PRR5L: variants seen among roughly 807,000 people sequenced by gnomAD.
PRR5L encodes proline-rich protein 5-like.
PRR5L carries 21 observed loss-of-function variants against 36.4 expected under a neutral mutation model. The observed-to-expected ratio is 0.58, with a 90% CI of 0.41 to 0.83. The LOEUF is 0.83. Among genes scored for constraint, PRR5L ranks in the 40% least tolerant of loss-of-function variants. The probability of loss-of-function intolerance (pLI) is 0.00; values close to 1 mark genes in which losing one functional copy is unlikely to be tolerated. For synonymous variants in PRR5L, 188 were observed against 197.0 expected, an observed-to-expected ratio of 0.95 and a Z score of 0.38; for missense variants, 381 against 473.3, an observed-to-expected ratio of 0.80 and a Z score of 1.81.
intron 1 of PRR5L, among the ~76,000 whole-genome samples, chr11:36,350,487 A>T (rs1043483275): frequency 2.0e-5 from 3 of 152,108 alleles, no homozygotes; most frequent in Admixed American, 1.3e-4. Context: ...CAGTTAAAAA[A>T]AGTTCATGTT....
At chr11:36,325,445 T>A (rs141191604) in intron 1 of PRR5L, among the ~76,000 whole-genome samples, 1,869 of 152,294 alleles carry the variant, frequency 0.012, 12 homozygotes, top group Admixed American at 0.022. Context: ...AGTTGCAAGA[T>A]TTAATAGAGT....
At chr11:36,450,854 T>C (rs1474367552) in intron 7 of PRR5L, among the ~76,000 whole-genome samples, 1 of 152,230 alleles carries the variant, frequency 6.6e-6, no homozygotes, top group Non-Finnish European at 1.5e-5. Context: ...TGCATTAATA[T>C]ATGTTAAATG....
At chr11:36,378,981 T>C (rs138555440) in intron 1 of PRR5L, among the ~76,000 whole-genome samples, 21 of 152,320 alleles carry the variant, frequency 1.4e-4, no homozygotes, top group African/African-American at 4.6e-4. Context: ...GTTGATTAGC[T>C]CACGTTATAG....
intron 8 of PRR5L, among the ~76,000 whole-genome samples, chr11:36,456,656 T>G (rs979499474): frequency 2.0e-5 from 3 of 152,268 alleles, no homozygotes; most frequent in Admixed American, 1.3e-4. Flanking sequence ...TAACTATGAC[T>G]GTTGTTATTC....
At chr11:36,457,516 G>T (rs1231246717) in intron 8 of PRR5L, among the ~76,000 whole-genome samples, 2 of 151,654 alleles carry the variant, frequency 1.3e-5, no homozygotes, top group African/African-American at 4.8e-5. Flanking sequence ...TGAGGCAGGA[G>T]AATGGCGTGA....
intron 8 of PRR5L, among the ~76,000 whole-genome samples, chr11:36,455,875 G>A (rs1015478024): frequency 6.6e-6 from 1 of 152,216 alleles, no homozygotes; most frequent in Non-Finnish European, 1.5e-5. Context: ...GCAAGGAAAC[G>A]CTGTCTGCCC....
intron 1 of PRR5L, chr11:36,349,740 T>C (rs773483667): frequency 3.9e-5 from 6 of 152,272 alleles, no homozygotes; most frequent in Non-Finnish European, 7.3e-5. Context: ...ACCTATGCTC[T>C]GCTGGCTGAG....
At chr11:36,397,422 T>C (rs1341618775) in intron 1 of PRR5L, among the ~76,000 whole-genome samples, 1 of 145,876 alleles carries the variant, frequency 6.9e-6, no homozygotes. Context: ...CTTGGCTTCA[T>C]GTCAGCCAGG....
chr11:36,315,256 T>G (rs1338516661), intron 1 of PRR5L, among the ~76,000 whole-genome samples: 1 of 152,180 alleles, frequency 6.6e-6, no homozygotes. Context: ...AAAAACAGAG[T>G]CTAGTCCAAT....
At chr11:36,330,210 T>C (rs1856704743) in intron 1 of PRR5L, among the ~76,000 whole-genome samples, 1 of 152,186 alleles carries the variant, frequency 6.6e-6, no homozygotes, top group Non-Finnish European at 1.5e-5. Flanking sequence ...TATAATCTAC[T>C]AAATTGCTGT....
intron 1 of PRR5L, among the ~76,000 whole-genome samples, chr11:36,316,538 C>G (rs995455773): frequency 6.6e-6 from 1 of 151,984 alleles, no homozygotes; most frequent in African/African-American, 2.4e-5. Flanking sequence ...GAAATGGAAG[C>G]ATAGAGGGGG....
chr11:36,329,336 C>T (rs1277791843), intron 1 of PRR5L: 4 of 151,938 alleles, frequency 2.6e-5, no homozygotes, highest in African/African-American at 7.3e-5. Flanking sequence ...TCCAGAGCTT[C>T]GGGAAAAGGG....
At chr11:36,363,253 G>A (rs1300431508) in intron 1 of PRR5L, among the ~76,000 whole-genome samples, 1 of 152,162 alleles carries the variant, frequency 6.6e-6, no homozygotes, top group Non-Finnish European at 1.5e-5. Flanking sequence ...TATGGACCAG[G>A]AGAAAAGTAA....
intron 4 of PRR5L, among the ~76,000 whole-genome samples, chr11:36,428,169 G>A (rs1225742885): frequency 2.6e-5 from 4 of 152,174 alleles, no homozygotes; most frequent in Non-Finnish European, 4.4e-5. Flanking sequence ...GGTGACATTG[G>A]TGGTGGAGCC....
rs536532103 is a variant in PRR5L, at chr11:36,345,981, C to T, written c.-126+49543C>T. On this transcript the variant is annotated intron_variant, in intron 1 of 8. Coordinates refer to ENST00000530639, the MANE Select transcript of PRR5L (RefSeq NM_001160167.2). The stretch of plus-strand genomic sequence containing the variant: ...GCTTATTGACACAGTGAGAGCGTCA[C>T]GTTTGAGATTAGGGCTGTATTTCTC... Among the ~76,000 whole-genome samples, 7 of 152,240 alleles carry T rather than the reference C, an allele frequency of 4.6e-5. No individual in the cohort carries two copies. The East Asian group carries it at 5.8e-4, about 13-fold the overall frequency.
At position 36,401,000 on chromosome 11, in the gene PRR5L, TTGGCTACGTTTG is replaced by T; in HGVS notation, c.-118_-107del. The T allele has an allele frequency of 6.8e-7, 1 of 1,462,906 alleles. No individual in the cohort carries two copies. Among genetic ancestry groups the T allele is most frequent in the African/African-American group, 1.4e-5 (1 of 70,458 alleles). 90.6% of individuals were successfully genotyped at this position (1,462,906 alleles called of 1,614,324 possible). ...AAAAGCTTCCCTCTCTTTTCAGGTG[TTGGCTACGTTTG>T]TGGTTTTAAGAAAGCCTGAGGGCCT... On this transcript the variant is annotated 5_prime_UTR_variant, in exon 2 of 9. Transcript: ENST00000530639.
intron 1 of PRR5L, chr11:36,386,692 G>T (rs1258183975): frequency 6.6e-6 from 1 of 152,262 alleles, no homozygotes; most frequent in African/African-American, 2.4e-5. Context: ...CACAGGATTT[G>T]CCTCTTGGTT....
At chr11:36,374,879 C>T (rs1170194462) in intron 1 of PRR5L, among the ~76,000 whole-genome samples, 1 of 152,142 alleles carries the variant, frequency 6.6e-6, no homozygotes, top group Non-Finnish European at 1.5e-5. Context: ...CATTTTGGCT[C>T]CAGGCTTTGG....
intron 1 of PRR5L, among the ~76,000 whole-genome samples, chr11:36,302,521 C>T (rs556043644): frequency 5.4e-4 from 82 of 152,054 alleles, no homozygotes; most frequent in Non-Finnish European, 7.7e-4. Context: ...TGCGGGGGCT[C>T]ACACCTGTTA....
Sources: allele counts gnomAD v4.1 joint callset (sites outside exome capture counted in the v4.1 genomes callset), GRCh38; gene constraint gnomAD v4.1.1; transcripts MANE v1.5; gene names NCBI Gene and HGNC (gene_info 2026-07-23, HGNC 2026-07-21).